ROBO1: variants seen among roughly 807,000 people sequenced by gnomAD.
The protein encoded by ROBO1 is roundabout homolog 1.
Under a neutral mutation model 195.9 loss-of-function variants are expected in ROBO1, and 149 were observed. The ratio of observed to expected loss-of-function variants is 0.76; its 90% CI spans 0.67 to 0.87. The LOEUF (loss-of-function observed/expected upper bound fraction) is 0.87, where lower values mean the gene tolerates loss of function less well. Among genes scored for constraint, ROBO1 ranks in the 40% least tolerant of loss-of-function variants. The probability of loss-of-function intolerance (pLI) is 0.00; values close to 1 mark genes in which losing one functional copy is unlikely to be tolerated. For synonymous variants in ROBO1, 816 were observed against 733.2 expected, an observed-to-expected ratio of 1.11 and a Z score of -1.82; for missense variants, 1,933 against 2,068.3, an observed-to-expected ratio of 0.93 and a Z score of 1.27.
chr3:78,820,234 T>A (rs143486191), intron 4 of ROBO1, among the ~76,000 whole-genome samples: 1 of 152,360 alleles, frequency 6.6e-6, no homozygotes, highest in East Asian at 1.9e-4. Flanking sequence ...TTTTGCACTG[T>A]TGTTTTTGAT....
chr3:79,196,743 A>T (rs1407357540), intron 2 of ROBO1, among the ~76,000 whole-genome samples: 1 of 151,790 alleles, frequency 6.6e-6, no homozygotes, highest in African/African-American at 2.4e-5. Flanking sequence ...ACACTTGCAG[A>T]CTATCAACTG....
intron 2 of ROBO1, among the ~76,000 whole-genome samples, chr3:79,564,057 G>A (rs1169691853): frequency 2.0e-5 from 3 of 149,738 alleles, no homozygotes; most frequent in Non-Finnish European, 4.4e-5. Flanking sequence ...ATAATGAAAG[G>A]TGGATGACAG....
At chr3:78,991,051 C>T (rs986374849) in intron 3 of ROBO1, among the ~76,000 whole-genome samples, 1 of 152,070 alleles carries the variant, frequency 6.6e-6, no homozygotes, top group African/African-American at 2.4e-5. Flanking sequence ...TTAATTATTA[C>T]AGGTAATAAC....
intron 2 of ROBO1, among the ~76,000 whole-genome samples, chr3:79,230,406 T>A (rs2082297951): frequency 6.6e-6 from 1 of 152,156 alleles, no homozygotes. Flanking sequence ...AGCTTCAGTG[T>A]ACTCATGCCT....
At chr3:79,010,574 C>T (rs915053075) in intron 3 of ROBO1, among the ~76,000 whole-genome samples, 3 of 152,016 alleles carry the variant, frequency 2.0e-5, no homozygotes, top group African/African-American at 7.2e-5. Context: ...ACTACTACAT[C>T]GATCATCATT....
At chr3:79,375,973 A>G (rs1445957631) in intron 2 of ROBO1, among the ~76,000 whole-genome samples, 2 of 152,220 alleles carry the variant, frequency 1.3e-5, no homozygotes, top group Non-Finnish European at 2.9e-5. Flanking sequence ...ATTAGAGGCC[A>G]GGTGATATCC....
At chr3:79,173,389 C>T (rs952648269) in intron 2 of ROBO1, among the ~76,000 whole-genome samples, 10 of 152,092 alleles carry the variant, frequency 6.6e-5, no homozygotes, top group South Asian at 2.1e-4. Flanking sequence ...CAGGCCAGCG[C>T]GAGTTCCAGG....
intron 3 of ROBO1, among the ~76,000 whole-genome samples, chr3:79,098,024 T>C (rs1210529199): frequency 6.6e-6 from 1 of 151,800 alleles, no homozygotes; most frequent in African/African-American, 2.4e-5. Flanking sequence ...AGTATACTTA[T>C]AAGAGTTACT....
intron 3 of ROBO1, among the ~76,000 whole-genome samples, chr3:79,039,725 C>A (rs2078447305): frequency 7.6e-6 from 1 of 131,274 alleles, no homozygotes; most frequent in African/African-American, 2.9e-5. Flanking sequence ...AACCAGGACC[C>A]GGGAGGCAGA....
intron 4 of ROBO1, among the ~76,000 whole-genome samples, chr3:78,929,560 T>G (rs939002256): frequency 1.3e-5 from 2 of 151,952 alleles, no homozygotes; most frequent in Non-Finnish European, 2.9e-5. Flanking sequence ...TGGAGCACAG[T>G]GATGCCACCT....
chr3:78,987,619 G>A (rs538732765), intron 3 of ROBO1, among the ~76,000 whole-genome samples: 105 of 152,170 alleles, frequency 6.9e-4, no homozygotes, highest in African/African-American at 2.4e-3. Flanking sequence ...AAAGCCATGA[G>A]GTGTAGGGGA....
intron 2 of ROBO1, among the ~76,000 whole-genome samples, chr3:79,424,870 A>C (rs1238798210): frequency 2.0e-5 from 3 of 152,188 alleles, no homozygotes; most frequent in Non-Finnish European, 4.4e-5. Flanking sequence ...AATGAGGCAG[A>C]GAACACAAGA....
chr3:79,051,703 G>A (rs1021975760), intron 3 of ROBO1, among the ~76,000 whole-genome samples: 16 of 152,084 alleles, frequency 1.1e-4, no homozygotes, highest in Non-Finnish European at 7.4e-5. Context: ...GGGACCAGCT[G>A]AAGCCATGGC....
chr3:78,709,345 A>G (rs1034436352), intron 8 of ROBO1, among the ~76,000 whole-genome samples: 2 of 151,728 alleles, frequency 1.3e-5, no homozygotes, highest in Non-Finnish European at 2.9e-5. Context: ...ATAATATACC[A>G]ATATTGGTAT....
At chr3:78,878,933 T>G (rs1416330942) in intron 4 of ROBO1, among the ~76,000 whole-genome samples, 1 of 152,142 alleles carries the variant, frequency 6.6e-6, no homozygotes, top group Admixed American at 6.6e-5. Context: ...AAAACCAAAA[T>G]TTTAAAGTGC....
chr3:78,750,491 AAAT>A lies in ROBO1; in HGVS notation c.500-3594_500-3592del, dbSNP rs1183772336. Among the ~76,000 whole-genome samples the A allele has an allele frequency of 9.5e-4, 141 of 148,780 alleles. 1 individual carries two copies. Among genetic ancestry groups the A allele is most frequent in the African/African-American group, 2.9e-3 (118 of 40,138 alleles). On this transcript the variant is annotated intron_variant, in intron 4 of 30. Transcript: ENST00000464233. ...TAAATAAATAAATAAATAAATAAAT[AAAT>A]AAATAAAATAAAATAAAAAAGTTCA... is the stretch of plus-strand genomic sequence containing the variant.
At chr3:78,631,993 T>C (rs1004833515) in intron 24 of ROBO1, among the ~76,000 whole-genome samples, 6 of 152,236 alleles carry the variant, frequency 3.9e-5, no homozygotes, top group African/African-American at 1.4e-4. Context: ...GTTCTCATTT[T>C]AGATCTGGCA....
intron 9 of ROBO1, among the ~76,000 whole-genome samples, chr3:78,687,415 G>A (rs540396400): frequency 1.1e-4 from 17 of 152,250 alleles, no homozygotes; most frequent in Middle Eastern, 6.8e-3. Flanking sequence ...GGCTACTAAA[G>A]TGAAAGAAAA....
intron 4 of ROBO1, among the ~76,000 whole-genome samples, chr3:78,894,251 A>C (rs1233551119): frequency 6.6e-6 from 1 of 152,198 alleles, no homozygotes; most frequent in Non-Finnish European, 1.5e-5. Context: ...CATGAAAAGC[A>C]AGTAAAACAG....
Sources: gnomAD v4.1 joint callset for allele counts (sites outside exome capture counted in the v4.1 genomes callset) on GRCh38, gnomAD v4.1.1 for gene constraint, MANE v1.5 for transcripts, NCBI Gene and HGNC (gene_info 2026-07-23, HGNC 2026-07-21) for gene names.